Variants in GUCY1A2 observed in about 807,000 individuals in gnomAD.
GUCY1A2 encodes the protein guanylate cyclase soluble subunit alpha-2.
Under a neutral mutation model 63.5 loss-of-function variants are expected in GUCY1A2, and 27 were observed. The ratio of observed to expected loss-of-function variants is 0.43; its 90% CI spans 0.31 to 0.59. GUCY1A2 has a LOEUF of 0.59. GUCY1A2 is among the 20% of genes least tolerant of loss of function. The pLI is 0.11. For missense variants in GUCY1A2, 768 were observed against 913.3 expected (o/e 0.84, Z 2.05); for synonymous variants, 364 against 343.5 (o/e 1.06, Z -0.66).
chr11:106,853,397 A>G (rs988526851), intron 4 of GUCY1A2, among the ~76,000 whole-genome samples: 7 of 151,974 alleles, frequency 4.6e-5, no homozygotes, highest in South Asian at 2.1e-4. Flanking sequence ...TGGAAGCTCT[A>G]TCTTCAAGTT....
intron 1 of GUCY1A2, among the ~76,000 whole-genome samples, chr11:106,986,923 G>T (rs1032232757): frequency 1.3e-5 from 2 of 152,138 alleles, no homozygotes; most frequent in African/African-American, 2.4e-5. Context: ...TTAAGACAGA[G>T]GTTCTTAATC....
chr11:106,900,120 T>G (rs991795651), intron 4 of GUCY1A2, among the ~76,000 whole-genome samples: 1 of 151,872 alleles, frequency 6.6e-6, no homozygotes. Flanking sequence ...ATAATATATG[T>G]AGCCAATCAA....
chr11:106,706,714 C>CACAA lies in GUCY1A2; in HGVS notation c.1991+1794_1991+1797dup, dbSNP rs1367845903. Among the ~76,000 whole-genome samples, 6 of 148,516 alleles carry CACAA rather than the reference C, an allele frequency of 4.0e-5. No individual in the cohort carries two copies. In the East Asian group the frequency reaches 1.2e-3, roughly 30 times the overall value. On this transcript the variant is annotated intron_variant, in intron 7 of 7. Transcript: ENST00000526355. ...GAAGACATAAATCTACACTAAGTTACACAAACATGGAAAATAAGTATCAAT... is the reference window on the plus strand; with the variant it reads ...GAAGACATAAATCTACACTAAGTTACACAAACAAACATGGAAAATAAGTATCAAT...
intron 4 of GUCY1A2, among the ~76,000 whole-genome samples, chr11:106,928,734 C>A (rs1332598792): frequency 1.3e-5 from 2 of 152,136 alleles, no homozygotes; most frequent in Non-Finnish European, 2.9e-5. Flanking sequence ...CAAATCTATA[C>A]AGTATGTGAC....
intron 4 of GUCY1A2, chr11:106,936,774 CAGTT>C (rs1329542078): frequency 1.2e-6 from 1 of 859,906 alleles, no homozygotes; most frequent in Non-Finnish European, 1.8e-6. Flanking sequence ...ACAAACAAAA[CAGTT>C]AAATTATGAG....
intron 7 of GUCY1A2, among the ~76,000 whole-genome samples, chr11:106,707,553 C>CTT (rs1183026536): frequency 6.6e-6 from 1 of 151,876 alleles, no homozygotes; most frequent in Non-Finnish European, 1.5e-5. Flanking sequence ...CATTTTCATG[C>CTT]TTTTCTTTGC....
At position 106,935,497 on chromosome 11, in the gene GUCY1A2, G is replaced by A. The variant is rs577434321; in HGVS notation, c.1206+3963C>T. Among the ~76,000 whole-genome samples the A allele has an allele frequency of 6.6e-5, 10 of 152,108 alleles. No homozygotes were observed. The East Asian group carries it at 1.2e-3, about 18-fold the overall frequency. ...TCATGGTAGGTAAGTCAGATTCTCC[G>A]CACCTCTCTTTTAAAATGCATCTGA... On this transcript the variant is annotated intron_variant, in intron 4 of 7. Transcript: ENST00000526355.
intron 7 of GUCY1A2, among the ~76,000 whole-genome samples, chr11:106,707,962 G>A (rs1214738631): frequency 6.6e-6 from 1 of 152,020 alleles, no homozygotes; most frequent in Admixed American, 6.6e-5. Flanking sequence ...GGAAGATATT[G>A]GATTTCAGAT....
intron 4 of GUCY1A2, among the ~76,000 whole-genome samples, chr11:106,818,744 T>C (rs1335973111): frequency 6.6e-6 from 1 of 152,136 alleles, no homozygotes. Flanking sequence ...TTTTAAAAAA[T>C]GCTACTCCGG....
chr11:106,760,077 G>A (rs1864039563), intron 6 of GUCY1A2, among the ~76,000 whole-genome samples: 1 of 152,156 alleles, frequency 6.6e-6, no homozygotes, highest in Non-Finnish European at 1.5e-5. Context: ...CTTCCCTAGT[G>A]TCTTCAAATA....
At chr11:106,984,870 C>T (rs1861381660) in intron 2 of GUCY1A2, among the ~76,000 whole-genome samples, 1 of 152,126 alleles carries the variant, frequency 6.6e-6, no homozygotes, top group African/African-American at 2.4e-5. Context: ...TCACTAATGG[C>T]CTCAAACTAA....
chr11:106,680,940 C>G lies in GUCY1A2; in HGVS notation c.*6609G>C, dbSNP rs1263965510. On this transcript the variant is annotated 3_prime_UTR_variant, in exon 8 of 8. Transcript: ENST00000526355. ...CATAATCTGATGTTTAGATACTGTTCAGTATAAACATAAATTTACTAGTTG... is the reference window on the plus strand; with the variant it reads ...CATAATCTGATGTTTAGATACTGTTGAGTATAAACATAAATTTACTAGTTG... The G allele has an allele frequency of 4.9e-6, 1 of 202,998 alleles. No individual in the cohort carries two copies. The highest frequency in any genetic ancestry group is 7.5e-5 in the East Asian group (1 of 13,254). 12.6% of individuals were successfully genotyped at this position (202,998 alleles called of 1,614,324 possible).
chr11:106,914,118 G>A (rs1221903257), intron 4 of GUCY1A2, among the ~76,000 whole-genome samples: 5 of 151,868 alleles, frequency 3.3e-5, no homozygotes, highest in African/African-American at 7.3e-5. Context: ...AGGGGAGACA[G>A]GCAAGTAAAA....
chr11:106,798,002 A>G (rs1215303662), intron 5 of GUCY1A2, among the ~76,000 whole-genome samples: 1 of 152,190 alleles, frequency 6.6e-6, no homozygotes, highest in Non-Finnish European at 1.5e-5. Flanking sequence ...AAGATTAACA[A>G]AATTGATAGA....
At chr11:106,846,808 T>C (rs548090512) in intron 4 of GUCY1A2, among the ~76,000 whole-genome samples, 2 of 151,676 alleles carry the variant, frequency 1.3e-5, no homozygotes, top group African/African-American at 2.4e-5. Flanking sequence ...AAAGATATAA[T>C]ACAGGAACGT....
chr11:106,798,425 TC>T (rs1864808384), intron 5 of GUCY1A2, among the ~76,000 whole-genome samples: 1 of 152,148 alleles, frequency 6.6e-6, no homozygotes, highest in African/African-American at 2.4e-5. Context: ...GAGGCCAGCA[TC>T]ATCCTGATAC....
chr11:106,957,230 GT>G (rs1860997996), intron 3 of GUCY1A2, among the ~76,000 whole-genome samples: 1 of 152,174 alleles, frequency 6.6e-6, no homozygotes, highest in Non-Finnish European at 1.5e-5. Flanking sequence ...GCAAGTCCCA[GT>G]GCTGACTCTT....
rs1250875683 is a variant in GUCY1A2 at position 106,940,085 on chromosome 11, C to G, written c.581G>C (p.Gly194Ala). ...ENERVLRAVG[G>A]TLQDFFNGFD... ...GCCGTTAAAAAAGTCCTGCAAAGTG[C>G]CACCTACAGCTCGAAGGACTCTCTC... The change falls in exon 4 of 8, where the codon GGC becomes GCC. Residue 194 changes from glycine to alanine, a missense_variant. Gly to Ala is a moderately conservative substitution (Grantham distance 60). Around this residue, in one of 3 missense-constraint regions of GUCY1A2, gnomAD observed 496 missense variants for 486.9 expected, o/e 1.02. Coordinates refer to ENST00000526355, the MANE Select transcript of GUCY1A2 (RefSeq NM_000855.3). The G allele has an allele frequency of 6.2e-7, 1 of 1,612,202 alleles. No individual in the cohort carries two copies. Among genetic ancestry groups the G allele is most frequent in the Admixed American group, 1.7e-5 (1 of 60,010 alleles).
chr11:106,862,358 T>C (rs1438021796), intron 4 of GUCY1A2, among the ~76,000 whole-genome samples: 1 of 152,008 alleles, frequency 6.6e-6, no homozygotes, highest in Non-Finnish European at 1.5e-5. Context: ...GATAAGTTTC[T>C]AGTACAAACA....
Sources: gnomAD v4.1 joint callset for allele counts (sites outside exome capture counted in the v4.1 genomes callset) on GRCh38, gnomAD v4.1.1 for gene constraint, gnomAD v4.1.1 regional missense constraint, MANE v1.5 for transcripts, NCBI Gene and HGNC (gene_info 2026-07-23, HGNC 2026-07-21) for gene names.